The following CIITA variants were observed in gnomAD, a reference collection of about 807,000 sequenced individuals.
CIITA encodes the protein class II major histocompatibility complex transactivator, also known as MHC class II transactivator.
In CIITA, 72 loss-of-function variants were observed where a neutral mutation model predicts 115.1. The ratio of observed to expected loss-of-function variants is 0.63; its 90% CI spans 0.52 to 0.76. The LOEUF is 0.76. Among genes scored for constraint, CIITA ranks in the 30% least tolerant of loss-of-function variants. The probability of loss-of-function intolerance (pLI) is 0.00; values close to 1 mark genes in which losing one functional copy is unlikely to be tolerated. For missense variants in CIITA, 1,617 were observed against 1,463.8 expected, an observed-to-expected ratio of 1.10 and a Z score of -1.71; for synonymous variants, 763 against 635.6, an observed-to-expected ratio of 1.20 and a Z score of -3.02.
chr16:10,901,590 G>C lies in CIITA; in HGVS notation c.481+32G>C, dbSNP rs1233544086. 1.2e-6 allele frequency: 2 copies of C among 1,610,988 alleles called. No individual in the cohort carries two copies. The highest frequency in any genetic ancestry group is 2.2e-5 in the South Asian group (2 of 90,816). The stretch of plus-strand genomic sequence containing the variant: ...AGGGCAGGTGGGCTGGGGTTGGGAA[G>C]GGTGGATGCCTTGGGGAGGGGATGG... On this transcript the variant is annotated intron_variant, in intron 6 of 19. Coordinates refer to ENST00000324288, the MANE Select transcript of CIITA (RefSeq NM_000246.4). This position sits in a 1 kb window ranked among gnomAD's most constrained non-coding sequence, Gnocchi z 6.8.
intron 1 of CIITA, among the ~76,000 whole-genome samples, chr16:10,894,156 C>T (rs976783769): frequency 7.2e-5 from 11 of 152,152 alleles, no homozygotes; most frequent in African/African-American, 2.7e-4. Flanking sequence ...CCCACCCCTC[C>T]TACTTTATGT....
In CIITA at chr16:10,921,056, C is replaced by T. The variant is rs376135481; in HGVS notation, c.3150-1111C>T. On this transcript the variant is annotated intron_variant, in intron 16 of 19. Transcript: ENST00000324288. ...GCTAATTTTGTATTTTTAGTAGAGA[C>T]GGGGTTTCTCCATGTTGGTCAGGCT... Among the ~76,000 whole-genome samples, 28 of 152,168 alleles carry T rather than the reference C, an allele frequency of 1.8e-4. No individual in the cohort carries two copies. The East Asian group carries it at 3.7e-3, about 20-fold the overall frequency.
chr16:10,901,966 C>T lies in CIITA; in HGVS notation c.482-72C>T. The T allele has an allele frequency of 6.3e-7, 1 of 1,591,090 alleles. No individual in the cohort carries two copies. Among genetic ancestry groups the T allele is most frequent in the Non-Finnish European group, 8.6e-7 (1 of 1,163,700 alleles). On this transcript the variant is annotated intron_variant, in intron 6 of 19. Coordinates refer to ENST00000324288, the MANE Select transcript of CIITA (RefSeq NM_000246.4). This position sits in a 1 kb window ranked among gnomAD's most constrained non-coding sequence, Gnocchi z 6.8. Reference sequence around the variant, plus strand: ...TCTGTCAGGAGAGACATCCATGCCACTCCAGGGCCCTCCCCATCCCAGGAA... The same window carrying T: ...TCTGTCAGGAGAGACATCCATGCCATTCCAGGGCCCTCCCCATCCCAGGAA...
Position 10,906,956 on chromosome 16 carries a change from G to C in CIITA, c.1464G>C (p.Leu488Phe), listed in dbSNP as rs761537842. The C allele has an allele frequency of 1.2e-6, 2 of 1,612,670 alleles. No individual in the cohort carries two copies. The highest frequency in any genetic ancestry group is 2.7e-5 in the African/African-American group (2 of 74,924). Residue 488 changes from leucine (L) to phenylalanine (F), a missense_variant, in exon 11 of 20, where the codon TTG becomes TTC. Physicochemically the swap from Leu to Phe is conservative, Grantham distance 22. Transcript: ENST00000324288. ...VAADEVFSHI[L>F]KRPDRVLLIL... is the part of the protein sequence containing the mutation. Reference sequence around the variant, plus strand: ...CCGATGAGGTTTTCAGCCACATCTTGAAGAGACCTGACCGCGTTCTGCTCA... The same window carrying C: ...CCGATGAGGTTTTCAGCCACATCTTCAAGAGACCTGACCGCGTTCTGCTCA...
In CIITA at chr16:10,902,793, T is replaced by C; in HGVS notation, c.764T>C (p.Ile255Thr). ...EAGTGVSSIF[I>T]YHGEVPQASQ... ...GGAACAGGGGTCTCCAGTATATTCA[T>C]CTACCATGGTGAGTGCGGGGCCTGG... The change falls in exon 8 of 20, where the codon ATC becomes ACC. Residue 255 changes from isoleucine to threonine, a missense_variant. Ile to Thr is a moderately conservative substitution (Grantham distance 89, BLOSUM62 -1). Coordinates refer to ENST00000324288, the MANE Select transcript of CIITA (RefSeq NM_000246.4). 1 of 1,614,176 alleles carries C rather than the reference T, an allele frequency of 6.2e-7. No homozygotes were observed. The highest frequency in any genetic ancestry group is 1.3e-5 in the African/African-American group (1 of 75,014).
At chr16:10,904,882 A>G (rs1423714224) in intron 10 of CIITA, 70 bp downstream of exon 10, 47 of 1,497,880 alleles carry the variant, frequency 3.1e-5, no homozygotes, top group Non-Finnish European at 3.9e-5. Context: ...CACATTGCTC[A>G]TTCACTTGAC....
In CIITA at chr16:10,928,187, G is replaced by A. The variant is rs563790269; in HGVS notation, c.*4332G>A. 9 of 152,214 alleles carry A rather than the reference G, an allele frequency of 5.9e-5. No individual in the cohort carries two copies. Among genetic ancestry groups the A allele is most frequent in the East Asian group, 1.9e-4 (1 of 5,194 alleles). The allele number at this position is 152,214 out of a possible 1,614,324, so 9.4% of individuals were successfully genotyped here. ...CCTCGCCTGTAGAAAGGGGTCAATC[G>A]TTTGAACCCTGCTTCACTTGGTGTG... On this transcript the variant is annotated 3_prime_UTR_variant, in exon 20 of 20. Transcript: ENST00000324288.
In CIITA at chr16:10,903,912, C is replaced by T. The variant is rs755788650; in HGVS notation, c.937+17C>T. 8.7e-6 allele frequency: 14 copies of T among 1,614,142 alleles called. No individual in the cohort carries two copies. The East Asian group carries it at 2.9e-4, about 33-fold the overall frequency. On this transcript the variant is annotated intron_variant, in intron 9 of 19. Coordinates refer to ENST00000324288, the MANE Select transcript of CIITA (RefSeq NM_000246.4). ...ACATGACAGGTAAGGACCCTTAGGG[C>T]CTGTGAGAGGTACTAGAAGCAGGAT...
intron 16 of CIITA, among the ~76,000 whole-genome samples, chr16:10,918,841 A>G (rs375961869): frequency 1.8e-4 from 27 of 152,282 alleles, no homozygotes; most frequent in African/African-American, 6.3e-4. Flanking sequence ...CTTTTTCCGG[A>G]ACCTAGGGGT....
Position 10,907,917 on chromosome 16 carries a change from C to T in CIITA, c.2425C>T (p.Leu809=). ...ACTGCGGGCGCGGCAGCTGCTGGAG[C>T]TGCTGCACTGCGCCCACGAGGCCGA... is the stretch of plus-strand genomic sequence containing the variant. ...GTLRARQLLE[L]LHCAHEAEEA... is the part of the protein sequence containing the mutation. Residue 809 remains leucine (L), a synonymous_variant, in exon 11 of 20, where the codon CTG becomes TTG. Coordinates refer to ENST00000324288, the MANE Select transcript of CIITA (RefSeq NM_000246.4). The surrounding 1 kb of genome is among the most constrained non-coding windows in gnomAD (Gnocchi z 5.0). The T allele has an allele frequency of 6.4e-7, 1 of 1,574,064 alleles. No homozygotes were observed. Among genetic ancestry groups the T allele is most frequent in the Non-Finnish European group, 8.6e-7 (1 of 1,161,292 alleles).
intron 3 of CIITA, among the ~76,000 whole-genome samples, chr16:10,896,405 G>T (rs1318475676): frequency 6.6e-6 from 1 of 152,228 alleles, no homozygotes; most frequent in East Asian, 1.9e-4. Context: ...TGGAAGATTT[G>T]CTAAGGCTTA....
upstream of CIITA, among the ~76,000 whole-genome samples, chr16:10,873,923 T>C (rs908188604): frequency 6.6e-6 from 1 of 152,156 alleles, no homozygotes; most frequent in African/African-American, 2.4e-5. Context: ...CGGGGAATCC[T>C]CATCACCTCT....
rs148543906 is a variant in CIITA, at chr16:10,907,212, G to T, written c.1720G>T (p.Ala574Ser). 59 of 1,613,318 alleles carry T rather than the reference G, an allele frequency of 3.7e-5. No homozygotes were observed. In the African/African-American group the frequency reaches 6.4e-4, roughly 18 times the overall value. Residue 574 changes from alanine (A) to serine (S), a missense_variant, in exon 11 of 20, where the codon GCC (alanine) becomes TCC (serine). Ala to Ser is a moderately conservative substitution (Grantham distance 99). Coordinates refer to ENST00000324288, the MANE Select transcript of CIITA (RefSeq NM_000246.4). The surrounding 1 kb of genome is among the most constrained non-coding windows in gnomAD (Gnocchi z 5.0). ...FELSGFSMEQ[A>S]QAYVMRYFES... ...GCTGTCCGGCTTCTCCATGGAGCAG[G>T]CCCAGGCATACGTGATGCGCTACTT...
Position 10,907,135 on chromosome 16 carries a change from G to T in CIITA, c.1643G>T (p.Arg548Leu), listed in dbSNP as rs376916824. The T allele has an allele frequency of 1.9e-6, 3 of 1,612,216 alleles. No individual in the cohort carries two copies. Among genetic ancestry groups the T allele is most frequent in the Non-Finnish European group, 2.5e-6 (3 of 1,179,732 alleles). Residue 548 changes from arginine to leucine, a missense_variant, in exon 11 of 20, where the codon CGG becomes CTG. Transcript: ENST00000324288. The surrounding 1 kb of genome is among the most constrained non-coding windows in gnomAD (Gnocchi z 5.0). ...LRGCTLLLTA[R>L]PRGRLVQSLS... is the part of the protein sequence containing the mutation. ...GGTTGCACCCTCCTCCTCACAGCCC[G>T]GCCCCGGGGCCGCCTGGTCCAGAGC...
At chr16:10,922,935 C>T (rs529571815) in intron 18 of CIITA, 30 of 528,372 alleles carry the variant, frequency 5.7e-5, no homozygotes, top group East Asian at 3.3e-4. Context: ...TCTTCTAAGA[C>T]GCACAGGGTG....
chr16:10,917,972 C>A (rs1176340925), intron 15 of CIITA, among the ~76,000 whole-genome samples: 5 of 152,154 alleles, frequency 3.3e-5, no homozygotes, highest in Non-Finnish European at 7.3e-5. Flanking sequence ...TCTCCTTAGT[C>A]CTTCCGTCCC....
intron 3 of CIITA, among the ~76,000 whole-genome samples, chr16:10,897,089 A>G (rs1174392878): frequency 1.3e-5 from 2 of 152,234 alleles, no homozygotes; most frequent in Non-Finnish European, 2.9e-5. Flanking sequence ...CTGTCTAAGC[A>G]AATAGGTGAG....
chr16:10,877,149 T>G (rs2035902362), upstream of CIITA: 44 of 672,242 alleles, frequency 6.5e-5, 5 homozygotes, highest in South Asian at 7.0e-4. Context: ...GATCCCTCAC[T>G]TGTTTCTTTG....
At chr16:10,888,124 G>A (rs141312520) in intron 1 of CIITA, among the ~76,000 whole-genome samples, 1 of 152,112 alleles carries the variant, frequency 6.6e-6, no homozygotes, top group Non-Finnish European at 1.5e-5. Context: ...TGGTCATCAC[G>A]CATATTGTAC....
Sources: gnomAD v4.1 joint callset for allele counts (sites outside exome capture counted in the v4.1 genomes callset) on GRCh38, gnomAD v4.1.1 for gene constraint, Gnocchi (gnomAD v3.1) non-coding constraint, MANE v1.5 for transcripts, NCBI Gene and HGNC (gene_info 2026-07-23, HGNC 2026-07-21) for gene names.